Variants in NID2 observed in about 807,000 individuals in gnomAD.
NID2 encodes nidogen 2, also known as nidogen-2.
Under a neutral mutation model 145.4 loss-of-function variants are expected in NID2, and 83 were observed. The ratio of observed to expected loss-of-function variants is 0.57; its 90% CI spans 0.48 to 0.69. The LOEUF (loss-of-function observed/expected upper bound fraction) is 0.69. Ranked by LOEUF, NID2 falls within the 30% of genes least tolerant of loss-of-function variation. The probability of loss-of-function intolerance (pLI) is 0.00; values close to 1 mark genes in which losing one functional copy is unlikely to be tolerated. For missense variants in NID2, 1,807 were observed against 1,765.7 expected, an observed-to-expected ratio of 1.02 and a Z score of -0.42; for synonymous variants, 739 against 701.3, an observed-to-expected ratio of 1.05 and a Z score of -0.85.
At position 52,009,054 on chromosome 14, in the gene NID2, A is replaced by G. The variant is rs542513146; in HGVS notation, c.3723-1087T>C. The G allele has an allele frequency of 3.3e-5, 5 of 152,336 alleles. No individual in the cohort carries two copies. In the South Asian group the frequency reaches 8.3e-4, roughly 25 times the overall value. The allele number at this position is 152,336 out of a possible 1,614,324, so 9.4% of individuals were successfully genotyped here. A position where few individuals can be genotyped will look rare whatever the true frequency, so the allele number is the denominator to read the frequency against. ...TATAAAATACTATTTTATAAAAGCT[A>G]TAGAAGCTTTGAATAAATCAGTTGG... is the stretch of plus-strand genomic sequence containing the variant. On this transcript the variant is annotated intron_variant, in intron 18 of 21. Transcript: ENST00000216286.
In NID2 at chr14:52,054,116, C is replaced by G. The variant is rs2140422572; in HGVS notation, c.973G>C (p.Ala325Pro). The G allele has an allele frequency of 6.2e-7, 1 of 1,614,180 alleles. No individual in the cohort carries two copies. Among genetic ancestry groups the G allele is most frequent in the East Asian group, 2.2e-5 (1 of 44,886 alleles). ...TCTGGTTCACCCGGAAGGTATTCAGCTTCCTCCTCATTCACATCATAGTAA... is the reference window on the plus strand; with the variant it reads ...TCTGGTTCACCCGGAAGGTATTCAGGTTCCTCCTCATTCACATCATAGTAA... ...LDYYDVNEEE[A>P]EYLPGEPEEA... is the part of the protein sequence containing the mutation. The change falls in exon 4 of 22, where the codon GCT (alanine) becomes CCT (proline). Residue 325 changes from alanine (A) to proline (P), a missense_variant. Ala to Pro is a conservative substitution (Grantham distance 27). Coordinates refer to ENST00000216286, the MANE Select transcript of NID2 (RefSeq NM_007361.4).
chr14:52,068,289 G>C (rs1167230504), intron 1 of NID2, 126 bp from the exon 2 acceptor site: 4 of 943,122 alleles, frequency 4.2e-6, no homozygotes, highest in Non-Finnish European at 6.6e-6. Context: ...TGGCCAGGGA[G>C]TCTGGATTCA....
chr14:52,007,833 T>C lies in NID2; in HGVS notation c.3857A>G (p.Lys1286Arg). The change falls in exon 19 of 22, where the codon AAA becomes AGA. Residue 1286 changes from lysine to arginine, a missense_variant. By Grantham distance (26) the Lys-to-Arg change is conservative (BLOSUM62 2). Coordinates refer to ENST00000216286, the MANE Select transcript of NID2 (RefSeq NM_007361.4). ...PNGLTFDPFS[K>R]LLCWADAGTK... ...ACCTGCATCTGCCCAGCAGAGCAGT[T>C]TAGAGAAAGGGTCAAAGGTTAAGCC... 1.9e-6 allele frequency: 3 copies of C among 1,614,006 alleles called. No homozygotes were observed. The highest frequency in any genetic ancestry group is 2.5e-6 in the Non-Finnish European group (3 of 1,179,964).
chr14:52,006,099 CTT>C, intron 20 of NID2: 1 of 490,588 alleles, frequency 2.0e-6, no homozygotes, highest in South Asian at 2.2e-5. Flanking sequence ...AGGGCTTAGA[CTT>C]TAATGTTCCA....
intron 12 of NID2, 35 bp from the exon 13 acceptor site, chr14:52,020,213 A>G: frequency 6.2e-7 from 1 of 1,611,336 alleles, no homozygotes; most frequent in Non-Finnish European, 8.5e-7. Flanking sequence ...AGAAGCAAAG[A>G]ACACTATGAC....
At chr14:52,018,119 C>G (rs916723382) in intron 14 of NID2, among the ~76,000 whole-genome samples, 4 of 152,190 alleles carry the variant, frequency 2.6e-5, no homozygotes, top group African/African-American at 9.7e-5. Context: ...ACCCGGGCAA[C>G]AGTTAACACC....
At chr14:52,022,754 C>CACT (rs1436156295) in intron 12 of NID2, among the ~76,000 whole-genome samples, 2 of 152,192 alleles carry the variant, frequency 1.3e-5, no homozygotes, top group Non-Finnish European at 2.9e-5. Context: ...ACATCCTTCT[C>CACT]ACTGCCCAAG....
chr14:52,033,353 A>G (rs1197576623), intron 9 of NID2, among the ~76,000 whole-genome samples: 1 of 152,202 alleles, frequency 6.6e-6, no homozygotes, highest in Non-Finnish European at 1.5e-5. Flanking sequence ...AAGTGGAAGG[A>G]CAGGAAGCAT....
In NID2 at chr14:52,004,909, T is replaced by TA. The variant is rs1890696852; in HGVS notation, c.*576dup. ...ACTTTACTTTCTGTGGGTACTTCTATAGAGGCACTACAGGATCAGAAAATG... is the reference window on the plus strand; with the variant it reads ...ACTTTACTTTCTGTGGGTACTTCTATAAGAGGCACTACAGGATCAGAAAATG... On this transcript the variant is annotated 3_prime_UTR_variant, in exon 22 of 22. Transcript: ENST00000216286. 6.2e-6 allele frequency: 1 copy of TA among 162,192 alleles called. No homozygotes were observed. Among genetic ancestry groups the TA allele is most frequent in the African/African-American group, 2.4e-5 (1 of 41,774 alleles). The allele number at this position is 162,192 out of a possible 1,614,324, so 10.0% of individuals were successfully genotyped here.
chr14:52,006,457 A>G, intron 20 of NID2, 80 bp downstream of exon 20: 1 of 1,528,274 alleles, frequency 6.5e-7, no homozygotes, highest in Non-Finnish European at 9.0e-7. Flanking sequence ...CAAGTCAGGT[A>G]CTGACTTTTG....
rs1381001128 is a variant in NID2, at chr14:52,007,886, C to G, written c.3804G>C (p.Leu1268=). ...TGGGCAATCCAATGTCTGTATTGAT[C>G]AGAATTCTTCTGTTTTCTCCATCTA... is the stretch of plus-strand genomic sequence containing the variant. ...SSLDGENRRI[L]INTDIGLPNG... Residue 1268 remains leucine, a synonymous_variant, in exon 19 of 22, where the codon CTG becomes CTC. Coordinates refer to ENST00000216286, the MANE Select transcript of NID2 (RefSeq NM_007361.4). The G allele has an allele frequency of 1.2e-5, 20 of 1,613,884 alleles. No homozygotes were observed. Among genetic ancestry groups the G allele is most frequent in the Non-Finnish European group, 1.7e-5 (20 of 1,179,804 alleles).
chr14:52,042,466 A>G (rs576662369), intron 6 of NID2, 116 bp from the exon 7 acceptor site: 1 of 1,307,184 alleles, frequency 7.7e-7, no homozygotes, highest in South Asian at 1.4e-5. Context: ...AAGTCACTTT[A>G]ATGATTTCCT....
In NID2 at chr14:52,053,956, G is replaced by A; in HGVS notation, c.1070-18C>T. 6.2e-7 allele frequency: 1 copy of A among 1,612,370 alleles called. No individual in the cohort carries two copies. The highest frequency in any genetic ancestry group is 1.3e-5 in the African/African-American group (1 of 74,888). ...GGAAGATTCTGTTTCAGGATAGAAT[G>A]GCCAATAAGTAGGTGTTGGATGCAA... On this transcript the variant is annotated intron_variant, in intron 4 of 21. Transcript: ENST00000216286.
At position 52,015,247 on chromosome 14, in the gene NID2, A is replaced by C. The variant is rs1254179700; in HGVS notation, c.3057T>G (p.Cys1019Trp). The C allele has an allele frequency of 4.3e-6, 7 of 1,612,592 alleles. No homozygotes were observed. Reference protein sequence around the residue: ...PEPTQRPPTICERWRENLLEH... With the variant: ...PEPTQRPPTIWERWRENLLEH... ...CCAGCAGGTTTTCCCTCCAGCGCTC[A>C]CAGATGGTCGGGGGCCTCTGGGTGG... Residue 1019 changes from cysteine (C) to tryptophan (W), a missense_variant, in exon 15 of 22, where the codon TGT becomes TGG. Coordinates refer to ENST00000216286, the MANE Select transcript of NID2 (RefSeq NM_007361.4).
chr14:52,035,334 C>T (rs1433000004), intron 9 of NID2, among the ~76,000 whole-genome samples: 1 of 152,210 alleles, frequency 6.6e-6, no homozygotes, highest in Admixed American at 6.5e-5. Flanking sequence ...TATAGTGTAA[C>T]CTTTTCCAGA....
At chr14:52,046,444 T>C (rs548757355) in intron 5 of NID2, among the ~76,000 whole-genome samples, 4 of 152,252 alleles carry the variant, frequency 2.6e-5, no homozygotes, top group Non-Finnish European at 4.4e-5. Flanking sequence ...TTATTTCAGT[T>C]ATTTTGTGAA....
Position 52,011,568 on chromosome 14 carries a change from G to A in NID2, c.3536C>T (p.Thr1179Met), listed in dbSNP as rs368272264. ...AAGCTGCTGACCTGAATTCACGATCGTCTCAGGCTCTGCTCCCAGTTCCAG... is the reference window on the plus strand; with the variant it reads ...AAGCTGCTGACCTGAATTCACGATCATCTCAGGCTCTGCTCCCAGTTCCAG... ...AGLELGAEPE[T>M]IVNSGLISPE... The change falls in exon 17 of 22, where the codon ACG becomes ATG. Residue 1179 changes from threonine (T) to methionine (M), a missense_variant. Coordinates refer to ENST00000216286, the MANE Select transcript of NID2 (RefSeq NM_007361.4). 159 of 1,614,038 alleles carry A rather than the reference G, an allele frequency of 9.9e-5. No homozygotes were observed. The highest frequency in any genetic ancestry group is 1.3e-4 in the Non-Finnish European group (148 of 1,180,036).
rs1892749340 is a variant in NID2, at chr14:52,053,640, TGTA to T, written c.1365_1367del (p.Thr456del). On this transcript the variant is annotated inframe_deletion, in exon 5 of 22. Transcript: ENST00000216286. ...CCTCATACGTCCCTCGACTTAAGGG[TGTA>T]GTGTGACCTGAAGCAGGGTAACTTC... 1.9e-6 allele frequency: 3 copies of T among 1,614,110 alleles called. No individual in the cohort carries two copies. In the East Asian group the frequency reaches 6.7e-5, roughly 36 times the overall value.
rs1199037634 is a variant in NID2 at position 52,014,468 on chromosome 14, A to G, written c.3251-12T>C. The G allele has an allele frequency of 1.3e-6, 2 of 1,595,184 alleles. No individual in the cohort carries two copies. Among genetic ancestry groups the G allele is most frequent in the Admixed American group, 3.6e-5 (2 of 56,232 alleles). ...GACGGTGGGTATACCTGTGGGAGAG[A>G]GGGTGGGAGAGCAGGAAGGGGAACA... On this transcript the variant is annotated splice_polypyrimidine_tract_variant and intron_variant, in intron 15 of 21. Transcript: ENST00000216286.
Sources: allele counts gnomAD v4.1 joint callset (sites outside exome capture counted in the v4.1 genomes callset), GRCh38; gene constraint gnomAD v4.1.1; transcripts MANE v1.5; gene names NCBI Gene and HGNC (gene_info 2026-07-23, HGNC 2026-07-21).